Variants in LRRC4C observed in about 807,000 individuals in gnomAD.
LRRC4C encodes leucine rich repeat containing 4C, also known as leucine-rich repeat-containing protein 4C.
In LRRC4C, 5 loss-of-function variants were observed where a neutral mutation model predicts 33.6. The observed-to-expected ratio is 0.15, with a 90% CI of 0.08 to 0.31. The LOEUF (loss-of-function observed/expected upper bound fraction) is 0.31. LRRC4C is among the 10% of genes least tolerant of loss of function. The pLI, the probability that LRRC4C is intolerant of heterozygous loss-of-function variation, is 1.00. For synonymous variants in LRRC4C, 329 were observed against 302.0 expected (o/e 1.09, Z -0.93); for missense variants, 560 against 796.7 (o/e 0.70, Z 3.58).
intron 1 of LRRC4C, among the ~76,000 whole-genome samples, chr11:41,057,192 A>G (rs1475809874): frequency 1.3e-5 from 2 of 152,076 alleles, no homozygotes; most frequent in Non-Finnish European, 2.9e-5. Context: ...TCTCCCTGCT[A>G]TTTGTGCCCG....
chr11:40,380,617 T>C (rs1948827475), intron 3 of LRRC4C, among the ~76,000 whole-genome samples: 1 of 152,216 alleles, frequency 6.6e-6, no homozygotes, highest in Non-Finnish European at 1.5e-5. Flanking sequence ...GGGATGTTGC[T>C]TGTTGGTGAG....
At chr11:40,202,126 T>C (rs1429647975) in intron 5 of LRRC4C, among the ~76,000 whole-genome samples, 1 of 149,664 alleles carries the variant, frequency 6.7e-6, no homozygotes, top group African/African-American at 2.5e-5. Flanking sequence ...TCAGAGTGGT[T>C]GGGATCATTA....
At chr11:40,209,914 G>A (rs1863458062) in intron 5 of LRRC4C, among the ~76,000 whole-genome samples, 1 of 152,126 alleles carries the variant, frequency 6.6e-6, no homozygotes, top group South Asian at 2.1e-4. Flanking sequence ...ATGCCTTGAA[G>A]AAAGAATAAA....
chr11:41,329,198 T>A (rs1304663642), intron 1 of LRRC4C, among the ~76,000 whole-genome samples: 3 of 152,200 alleles, frequency 2.0e-5, no homozygotes, highest in Non-Finnish European at 2.9e-5. Context: ...ATTTGCTGTT[T>A]TCCCTAACTG....
chr11:40,327,630 C>G (rs1176208340), intron 3 of LRRC4C, among the ~76,000 whole-genome samples: 1 of 152,044 alleles, frequency 6.6e-6, no homozygotes, highest in African/African-American at 2.4e-5. Context: ...TATCAGTCAG[C>G]CATTCCCTTA....
intron 5 of LRRC4C, among the ~76,000 whole-genome samples, chr11:40,226,235 T>C (rs944298727): frequency 1.3e-5 from 2 of 152,114 alleles, no homozygotes; most frequent in Non-Finnish European, 2.9e-5. Flanking sequence ...CTCAGATGAG[T>C]CTCCTAGTAT....
rs201830749 is a variant in LRRC4C at position 40,753,998 on chromosome 11, G to GTATA, written c.-406-105724_-406-105721dup. ...TATATTCACTGTATATATATTCACTGTATATATATATATACACACACACAT... is the reference window on the plus strand; with the variant it reads ...TATATTCACTGTATATATATTCACTGTATATATATATATATATACACACACACAT... On this transcript the variant is annotated intron_variant, in intron 2 of 6. Coordinates refer to ENST00000528697, the MANE Select transcript of LRRC4C (RefSeq NM_001258419.2). Among the ~76,000 whole-genome samples, 58 of 149,810 alleles carry GTATA rather than the reference G, an allele frequency of 3.9e-4. No individual in the cohort carries two copies. The East Asian group carries it at 0.011, about 29-fold the overall frequency.
intron 3 of LRRC4C, among the ~76,000 whole-genome samples, chr11:40,563,231 T>A (rs970619212): frequency 6.6e-5 from 10 of 152,166 alleles, no homozygotes; most frequent in Non-Finnish European, 1.2e-4. Context: ...GTTTTTGGGA[T>A]CCTCATCACT....
intron 1 of LRRC4C, among the ~76,000 whole-genome samples, chr11:41,404,535 G>GACACAC (rs138726744): frequency 1.1e-4 from 4 of 37,330 alleles, no homozygotes; most frequent in African/African-American, 3.9e-4. Flanking sequence ...AAGACACACA[G>GACACAC]ACACACACAC....
intron 3 of LRRC4C, among the ~76,000 whole-genome samples, chr11:40,332,362 T>A (rs1368718747): frequency 3.3e-5 from 5 of 152,214 alleles, no homozygotes. Context: ...TCCCACTATG[T>A]GTGTCTTCCT....
chr11:40,569,200 G>C (rs557263187), intron 3 of LRRC4C, among the ~76,000 whole-genome samples: 1 of 152,102 alleles, frequency 6.6e-6, no homozygotes, highest in Non-Finnish European at 1.5e-5. Context: ...GTAGATACTG[G>C]ACAAGTAATT....
At chr11:40,465,798 A>G (rs1952623186) in intron 3 of LRRC4C, among the ~76,000 whole-genome samples, 2 of 152,110 alleles carry the variant, frequency 1.3e-5, no homozygotes, top group South Asian at 4.1e-4. Flanking sequence ...GTGAGGATGC[A>G]AACAAAAGGG....
chr11:40,115,239 A>G lies in LRRC4C; in HGVS notation c.1054T>C (p.Tyr352His). 1 of 1,614,200 alleles carries G rather than the reference A, an allele frequency of 6.2e-7. No individual in the cohort carries two copies. Among genetic ancestry groups the G allele is most frequent in the Non-Finnish European group, 8.5e-7 (1 of 1,180,038 alleles). ...GGGGGCTCCACAATCACCGGAGCATAGCATGTGAAGTAATTCTGGTCGAGC... is the reference window on the plus strand; with the variant it reads ...GGGGGCTCCACAATCACCGGAGCATGGCATGTGAAGTAATTCTGGTCGAGC... Reference protein sequence around the residue: ...GELDQNYFTCYAPVIVEPPAD... With the variant: ...GELDQNYFTCHAPVIVEPPAD... Residue 352 changes from tyrosine to histidine, a missense_variant, in exon 7 of 7, where the codon TAT (tyrosine) becomes CAT (histidine). Tyr to His is a moderately conservative substitution (Grantham distance 83). Around this residue, in one of 3 missense-constraint regions of LRRC4C, gnomAD observed 455 missense variants for 643.8 expected, o/e 0.71. Coordinates refer to ENST00000528697, the MANE Select transcript of LRRC4C (RefSeq NM_001258419.2). This position sits in a 1 kb window ranked among gnomAD's most constrained non-coding sequence, Gnocchi z 6.7.
At chr11:41,319,649 C>T (rs893043980) in intron 1 of LRRC4C, among the ~76,000 whole-genome samples, 28 of 152,138 alleles carry the variant, frequency 1.8e-4, no homozygotes. Context: ...CTCAAGCAAT[C>T]CTCCCACCTC....
intron 3 of LRRC4C, among the ~76,000 whole-genome samples, chr11:40,517,738 TG>T (rs201960743): frequency 8.7e-5 from 10 of 115,406 alleles, no homozygotes; most frequent in African/African-American, 2.2e-4. Flanking sequence ...TTCACAGAAT[TG>T]GGGGGAAAAA....
intron 1 of LRRC4C, among the ~76,000 whole-genome samples, chr11:41,345,675 T>C (rs763162335): frequency 1.6e-4 from 24 of 152,310 alleles, no homozygotes; most frequent in Non-Finnish European, 3.1e-4. Flanking sequence ...TGGTTCTTCA[T>C]TCTAAAGTAG....
intron 3 of LRRC4C, among the ~76,000 whole-genome samples, chr11:40,552,350 C>T (rs945857868): frequency 2.0e-5 from 3 of 152,150 alleles, no homozygotes; most frequent in Admixed American, 6.6e-5. Flanking sequence ...AGTGGGAATT[C>T]GAACCCAGTT....
At chr11:40,629,978 A>G (rs1208586186) in intron 3 of LRRC4C, among the ~76,000 whole-genome samples, 2 of 152,134 alleles carry the variant, frequency 1.3e-5, no homozygotes, top group African/African-American at 4.8e-5. Context: ...TCTCAGTACT[A>G]AAATCTCTAA....
intron 1 of LRRC4C, among the ~76,000 whole-genome samples, chr11:41,438,426 A>G (rs1955510582): frequency 6.6e-6 from 1 of 152,216 alleles, no homozygotes; most frequent in Admixed American, 6.5e-5. Context: ...CTGAGATGGA[A>G]GAAAACACTG....
Sources: allele counts gnomAD v4.1 joint callset (sites outside exome capture counted in the v4.1 genomes callset), GRCh38; gene constraint gnomAD v4.1.1; regional missense constraint gnomAD v4.1.1; non-coding constraint Gnocchi (gnomAD v3.1); transcripts MANE v1.5; gene names NCBI Gene and HGNC (gene_info 2026-07-23, HGNC 2026-07-21).